The following VANGL2 variants were observed in gnomAD, a reference collection of about 807,000 sequenced individuals.
The protein encoded by VANGL2 is vang-like protein 2.
A neutral mutation model predicts 50.2 loss-of-function variants in VANGL2; 14 were observed. That is an observed-to-expected ratio of 0.28 (90% CI 0.18 to 0.44). The LOEUF (loss-of-function observed/expected upper bound fraction) is 0.44, where lower values mean the gene tolerates loss of function less well. VANGL2 is among the 20% of genes least tolerant of loss of function. The pLI is 1.00. For missense variants in VANGL2, 533 were observed against 701.5 expected (o/e 0.76, Z 2.71); for synonymous variants, 295 against 297.2 (o/e 0.99, Z 0.08).
chr1:160,423,967 C>T (rs1012940568), intron 6 of VANGL2, 85 bp from the exon 7 acceptor site: 1 of 1,477,280 alleles, frequency 6.8e-7, no homozygotes, highest in African/African-American at 1.4e-5. Flanking sequence ...CTCATTCAGG[C>T]TGCTGGAGTG....
Position 160,424,032 on chromosome 1 carries a change from A to C in VANGL2, c.1074-20A>C, listed in dbSNP as rs772886711. 2.5e-6 allele frequency: 4 copies of C among 1,613,464 alleles called. No homozygotes were observed. The highest frequency in any genetic ancestry group is 3.4e-6 in the Non-Finnish European group (4 of 1,179,606). ...GGAAAGAGAGGTGGGCATCTGGCCC[A>C]GTCCCCTCCTGTCCCCTAGGCTTGT... On this transcript the variant is annotated intron_variant, in intron 6 of 7. Transcript: ENST00000368061.
chr1:160,419,722 T>C lies in VANGL2; in HGVS notation c.800+113T>C. On this transcript the variant is annotated intron_variant, in intron 4 of 7. Coordinates refer to ENST00000368061, the MANE Select transcript of VANGL2 (RefSeq NM_020335.3). This position sits in a 1 kb window ranked among gnomAD's most constrained non-coding sequence, Gnocchi z 5.8. ...GGCTGGAGGTGATGGGCTTGGAGGG[T>C]TGTGTGGGAGGGAGTTGAGTACTTT... is the stretch of plus-strand genomic sequence containing the variant. 1.4e-6 allele frequency: 2 copies of C among 1,452,902 alleles called. No individual in the cohort carries two copies. The highest frequency in any genetic ancestry group is 2.8e-5 in the South Asian group (2 of 72,694). The allele number at this position is 1,452,902 out of a possible 1,614,324, so 90.0% of individuals were successfully genotyped here. A position where few individuals can be genotyped will look rare whatever the true frequency, so the allele number is the denominator to read the frequency against.
At chr1:160,410,508 G>A (rs115931029) in intron 1 of VANGL2, among the ~76,000 whole-genome samples, 11,736 of 152,118 alleles carry the variant, frequency 0.077, 537 homozygotes, top group South Asian at 0.19. Context: ...AGGAGGTGGC[G>A]TCTGGAGCTG....
At chr1:160,416,030 C>CT (rs754317467) in intron 2 of VANGL2, 32 bp from the exon 3 acceptor site, 8 of 1,614,066 alleles carry the variant, frequency 5.0e-6, no homozygotes, top group Admixed American at 1.7e-5. Flanking sequence ...CACCACTGGA[C>CT]TTTCTGTGCC....
rs1229100125 is a variant in VANGL2, at chr1:160,400,820, CGG to C, written c.-238_-237del. On this transcript the variant is annotated 5_prime_UTR_variant, in exon 1 of 8. Transcript: ENST00000368061. ...CGGAGCGCTGCGGATACAAAGGCGA[CGG>C]GCCGAGCGGGGCGCCCGCGGAGCCC... The C allele has an allele frequency of 6.6e-6, 1 of 151,626 alleles. No individual in the cohort carries two copies. Among genetic ancestry groups the C allele is most frequent in the Non-Finnish European group, 1.5e-5 (1 of 67,884 alleles). The allele number at this position is 151,626 out of a possible 1,614,324, so 9.4% of individuals were successfully genotyped here. A position where few individuals can be genotyped will look rare whatever the true frequency, so the allele number is the denominator to read the frequency against.
chr1:160,407,359 T>A (rs537896085), intron 1 of VANGL2, among the ~76,000 whole-genome samples: 1 of 152,236 alleles, frequency 6.6e-6, no homozygotes, highest in East Asian at 1.9e-4. Context: ...GTTCTCAGGA[T>A]GGGGATACCC....
chr1:160,420,135 C>A (rs1442562129), intron 4 of VANGL2, among the ~76,000 whole-genome samples: 1 of 152,102 alleles, frequency 6.6e-6, no homozygotes, highest in Non-Finnish European at 1.5e-5. Context: ...TGGGGGAACG[C>A]TGAATGGGGA....
chr1:160,418,925 C>G (rs1295667766), intron 3 of VANGL2, 77 bp from the exon 4 acceptor site: 30 of 1,531,638 alleles, frequency 2.0e-5, no homozygotes, highest in Admixed American at 3.9e-5. Flanking sequence ...GTCCCCTCAC[C>G]CTTTCTCCTG....
intron 1 of VANGL2, among the ~76,000 whole-genome samples, chr1:160,402,397 C>A (rs1243120832): frequency 1.3e-5 from 2 of 152,178 alleles, no homozygotes; most frequent in Admixed American, 6.5e-5. Context: ...TCTGCCCTGA[C>A]TCTAAGATCC....
Position 160,425,485 on chromosome 1 carries a change from T to TG in VANGL2, c.*107_*108insG. The TG allele has an allele frequency of 1.1e-6, 1 of 915,444 alleles. No individual in the cohort carries two copies. The highest frequency in any genetic ancestry group is 1.5e-6 in the Non-Finnish European group (1 of 674,456). The allele number at this position is 915,444 out of a possible 1,614,324, so 56.7% of individuals were successfully genotyped here. ...TTCCTGCCACCCTTCTTCTTCTTGCTCTTTTTTTTTTACTTGAATTAACGC... is the reference window on the plus strand; with the variant it reads ...TTCCTGCCACCCTTCTTCTTCTTGCTGCTTTTTTTTTTACTTGAATTAACGC... On this transcript the variant is annotated 3_prime_UTR_variant, in exon 8 of 8. Coordinates refer to ENST00000368061, the MANE Select transcript of VANGL2 (RefSeq NM_020335.3).
At chr1:160,414,390 T>C (rs1650983759) in intron 1 of VANGL2, among the ~76,000 whole-genome samples, 1 of 152,200 alleles carries the variant, frequency 6.6e-6, no homozygotes, top group African/African-American at 2.4e-5. Flanking sequence ...ATTCCTCTGC[T>C]CCATGGGCAT....
chr1:160,421,783 G>A (rs1200019521), intron 6 of VANGL2, among the ~76,000 whole-genome samples: 3 of 152,118 alleles, frequency 2.0e-5, no homozygotes, highest in Non-Finnish European at 4.4e-5. Context: ...TGCCACAGTG[G>A]GGTAGGGACC....
At position 160,419,234 on chromosome 1, in the gene VANGL2, G is replaced by A. The variant is rs754790677; in HGVS notation, c.425G>A (p.Gly142Glu). 6.2e-7 allele frequency: 1 copy of A among 1,609,754 alleles called. No individual in the cohort carries two copies. The highest frequency in any genetic ancestry group is 1.1e-5 in the South Asian group (1 of 91,068). ...TGGCGGGAGGAGCTGGAGCCTTGCG[G>A]GACGGCCTGCGAGGGCCTCTTCATC... is the stretch of plus-strand genomic sequence containing the variant. ...LLWREELEPC[G>E]TACEGLFISV... is the part of the protein sequence containing the mutation. The change falls in exon 4 of 8, where the codon GGG (glycine) becomes GAG (glutamate). Residue 142 changes from glycine (G) to glutamate (E), a missense_variant. Gly to Glu is a moderately conservative substitution (Grantham distance 98). Coordinates refer to ENST00000368061, the MANE Select transcript of VANGL2 (RefSeq NM_020335.3). This position sits in a 1 kb window ranked among gnomAD's most constrained non-coding sequence, Gnocchi z 5.8.
chr1:160,419,608 A>G lies in VANGL2; in HGVS notation c.799A>G (p.Ser267Gly). The change falls in exon 4 of 8, where the codon AGC (serine) becomes GGC (glycine). Residue 267 changes from serine to glycine, a missense_variant and splice_region_variant. Coordinates refer to ENST00000368061, the MANE Select transcript of VANGL2 (RefSeq NM_020335.3). This position sits in a 1 kb window ranked among gnomAD's most constrained non-coding sequence, Gnocchi z 5.8. ...ASRFYNVGHL[S>G]IQRVAVWILE... is the part of the protein sequence containing the mutation. The stretch of plus-strand genomic sequence containing the variant: ...CCGCTTCTACAACGTTGGCCATCTC[A>G]GGTACTAGCCCACGGCTGGAGAAGG... 6.3e-7 allele frequency: 1 copy of G among 1,598,364 alleles called. No homozygotes were observed. Among genetic ancestry groups the G allele is most frequent in the East Asian group, 2.2e-5 (1 of 44,830 alleles).
intron 3 of VANGL2, among the ~76,000 whole-genome samples, chr1:160,416,591 G>A (rs962645361): frequency 6.6e-6 from 1 of 152,156 alleles, no homozygotes; most frequent in Admixed American, 6.5e-5. Context: ...GGCACTCTGT[G>A]CCCTCTGGTG....
Position 160,409,052 on chromosome 1 carries a change from T to G in VANGL2, c.-190-6596T>G, listed in dbSNP as rs142013787. On this transcript the variant is annotated intron_variant, in intron 1 of 7. Coordinates refer to ENST00000368061, the MANE Select transcript of VANGL2 (RefSeq NM_020335.3). ...TTTGGGGATAGAGGCTCTTTGGTTC[T>G]GGCTGTCTTAGCTGAGGCCTGTCTA... 5.3e-5 allele frequency among the ~76,000 whole-genome samples: 8 copies of G among 152,374 alleles called. No homozygotes were observed. In the East Asian group the frequency reaches 1.5e-3, roughly 29 times the overall value.
chr1:160,403,570 G>A (rs1161123641), intron 1 of VANGL2, among the ~76,000 whole-genome samples: 2 of 152,100 alleles, frequency 1.3e-5, no homozygotes, highest in African/African-American at 2.4e-5. Flanking sequence ...TGCTCATCTG[G>A]TTTCCAGGTC....
chr1:160,424,341 C>A (rs1651375966), intron 7 of VANGL2, 58 bp downstream of exon 7: 1 of 1,511,978 alleles, frequency 6.6e-7, no homozygotes, highest in Non-Finnish European at 9.1e-7. Flanking sequence ...TTCTTTCCCA[C>A]CTTCATTTTC....
intron 1 of VANGL2, among the ~76,000 whole-genome samples, chr1:160,407,857 C>G (rs997077882): frequency 6.6e-6 from 1 of 152,146 alleles, no homozygotes; most frequent in Non-Finnish European, 1.5e-5. Flanking sequence ...GGAAGCAGCT[C>G]AAAGCCTGGT....
Sources: allele counts gnomAD v4.1 joint callset (sites outside exome capture counted in the v4.1 genomes callset), GRCh38; gene constraint gnomAD v4.1.1; non-coding constraint Gnocchi (gnomAD v3.1); transcripts MANE v1.5; gene names NCBI Gene and HGNC (gene_info 2026-07-23, HGNC 2026-07-21).